The following AHNAK variants were observed in gnomAD, a reference collection of about 807,000 sequenced individuals.
AHNAK encodes AHNAK nucleoprotein, also known as neuroblast differentiation-associated protein AHNAK.
Under a neutral mutation model 37.8 loss-of-function variants are expected in AHNAK, and 23 were observed. The observed-to-expected ratio is 0.61, with a 90% CI of 0.44 to 0.86. AHNAK has a LOEUF of 0.86. Among genes scored for constraint, AHNAK ranks in the 40% least tolerant of loss-of-function variants. The pLI, the probability that AHNAK is intolerant of heterozygous loss-of-function variation, is 0.00. For synonymous variants in AHNAK, 2,481 were observed against 2,636.3 expected (o/e 0.94, Z 1.80); for missense variants, 7,411 against 7,319.4 (o/e 1.01, Z -0.46).
rs1590671755 is a variant in AHNAK, at chr11:62,528,967, A to T, written c.5450T>A (p.Val1817Asp). The T allele has an allele frequency of 1.2e-6, 2 of 1,614,162 alleles. No homozygotes were observed. Among genetic ancestry groups the T allele is most frequent in the Non-Finnish European group, 8.5e-7 (1 of 1,180,028 alleles). Reference sequence around the variant, plus strand: ...CTCCGCTTCCACAAAAGGACCTTTGACATCAACTTGCGGCCCTCTGAGATC... The same window carrying T: ...CTCCGCTTCCACAAAAGGACCTTTGTCATCAACTTGCGGCCCTCTGAGATC... ...EGDLRGPQVD[V>D]KGPFVEAEVP... Residue 1817 changes from valine to aspartate, a missense_variant, in exon 5 of 5, where the codon GTC (valine) becomes GAC (aspartate). Coordinates refer to ENST00000378024, the MANE Select transcript of AHNAK (RefSeq NM_001620.3).
intron 4 of AHNAK, among the ~76,000 whole-genome samples, chr11:62,497,921 G>A (rs1402119407): frequency 1.3e-5 from 2 of 151,624 alleles, no homozygotes; most frequent in African/African-American, 4.9e-5. Context: ...CCGAGACTGA[G>A]CCACTGCACT....
At chr11:62,456,413 T>C (rs1938659418) in intron 5 of AHNAK, among the ~76,000 whole-genome samples, 1 of 152,216 alleles carries the variant, frequency 6.6e-6, no homozygotes, top group Non-Finnish European at 1.5e-5. Context: ...CTTATTTCAT[T>C]CAATCTACTG....
Position 62,519,709 on chromosome 11 carries a change from G to C in AHNAK, c.14708C>G (p.Ser4903Cys), listed in dbSNP as rs1940159662. ...EGPDAKLSGP[S>C]LKMPSLEISA... ...TATCTCCAGCGATGGCATCTTCAAA[G>C]ATGGGCCACTGAGTTTGGCATCAGG... Residue 4903 changes from serine to cysteine, a missense_variant, in exon 5 of 5, where the codon TCT becomes TGT. Coordinates refer to ENST00000378024, the MANE Select transcript of AHNAK (RefSeq NM_001620.3). The C allele has an allele frequency of 6.2e-7, 1 of 1,613,968 alleles. No individual in the cohort carries two copies. The highest frequency in any genetic ancestry group is 8.5e-7 in the Non-Finnish European group (1 of 1,180,014).
In AHNAK at chr11:62,531,090, A is replaced by G. The variant is rs1940727377; in HGVS notation, c.3327T>C (p.Asp1109=). 1 of 1,613,836 alleles carries G rather than the reference A, an allele frequency of 6.2e-7. No homozygotes were observed. Among genetic ancestry groups the G allele is most frequent in the Non-Finnish European group, 8.5e-7 (1 of 1,179,968 alleles). ...PDVDIRGPKV[D]IKAPDVEGQG... ...GGCCTTCCACATCTGGTGCTTTAAT[A>G]TCTACCTTGGGACCTCTGATGTCCA... is the stretch of plus-strand genomic sequence containing the variant. The change falls in exon 5 of 5, where the codon GAT becomes GAC. Residue 1109 remains aspartate, a synonymous_variant. Coordinates refer to ENST00000378024, the MANE Select transcript of AHNAK (RefSeq NM_001620.3).
Position 62,521,271 on chromosome 11 carries a change from G to A in AHNAK, c.13146C>T (p.Ala4382=). Residue 4382 remains alanine (A), a synonymous_variant, in exon 5 of 5, where the codon GCC becomes GCT. Transcript: ENST00000378024. ...KFKMPEMNIK[A]PKISMPDIDF... is the part of the protein sequence containing the mutation. ...CAATGTCAGGCATGGAGATTTTGGG[G>A]GCCTTGATGTTCATCTCTGGCATCT... 3 of 1,613,686 alleles carry A rather than the reference G, an allele frequency of 1.9e-6. No homozygotes were observed. The highest frequency in any genetic ancestry group is 1.7e-6 in the Non-Finnish European group (2 of 1,179,952).
At chr11:62,446,693 AG>A (rs1938428588) in intron 5 of AHNAK, among the ~76,000 whole-genome samples, 1 of 151,954 alleles carries the variant, frequency 6.6e-6, no homozygotes, top group Non-Finnish European at 1.5e-5. Context: ...CTGTCTCAAA[AG>A]GCACCAGAAT....
Position 62,523,484 on chromosome 11 carries a change from C to A in AHNAK, c.10933G>T (p.Val3645Leu). The change falls in exon 5 of 5, where the codon GTG becomes TTG. Residue 3645 changes from valine to leucine, a missense_variant. Physicochemically the swap from Val to Leu is conservative, Grantham distance 32. Coordinates refer to ENST00000378024, the MANE Select transcript of AHNAK (RefSeq NM_001620.3). The part of the protein sequence containing the change: ...GPNVDVDVPD[V>L]NIEGPDAKLK... ...TTTGCATCTGGACCTTCAATATTCA[C>A]GTCTGGAACATCAACGTCTACATTG... 6.8e-6 allele frequency: 11 copies of A among 1,613,358 alleles called. No homozygotes were observed. Among genetic ancestry groups the A allele is most frequent in the Non-Finnish European group, 8.5e-6 (10 of 1,179,860 alleles).
chr11:62,526,639 A>G lies in AHNAK; in HGVS notation c.7778T>C (p.Val2593Ala), dbSNP rs1940500070. Residue 2593 changes from valine (V) to alanine (A), a missense_variant, in exon 5 of 5, where the codon GTG (valine) becomes GCG (alanine). Physicochemically the swap from Val to Ala is moderately conservative, Grantham distance 64. Coordinates refer to ENST00000378024, the MANE Select transcript of AHNAK (RefSeq NM_001620.3). ...DFDLHLKGPK[V>A]KGDVDVSLPK... ...CAGAGAAACATCCACATCGCCCTTC[A>G]CCTTGGGACCTTTCAGATGCAAATC... is the stretch of plus-strand genomic sequence containing the variant. 6.2e-7 allele frequency: 1 copy of G among 1,612,436 alleles called. No homozygotes were observed. The highest frequency in any genetic ancestry group is 1.7e-5 in the Admixed American group (1 of 59,784).
In AHNAK at chr11:62,455,229, G is replaced by A. The variant is rs531053848; in HGVS notation, c.443-21338C>T. Among the ~76,000 whole-genome samples, 8 of 150,054 alleles carry A rather than the reference G, an allele frequency of 5.3e-5. 1 individual carries two copies. The highest frequency in any genetic ancestry group is 4.5e-4 in the South Asian group (2 of 4,492). ...ATTACAGGCATGAGCCACCGCACCC[G>A]GCCACATTTCTTAAGGAAATGCACC... On this transcript the variant is annotated intron_variant, in intron 5 of 5. Transcript: ENST00000257247.
At chr11:62,444,685 T>A (rs534246748) in intron 5 of AHNAK, among the ~76,000 whole-genome samples, 1 of 152,316 alleles carries the variant, frequency 6.6e-6, no homozygotes, top group South Asian at 2.1e-4. Flanking sequence ...CCCTTTCCCA[T>A]GGGGCACAGC....
chr11:62,463,457 TCCTCCAG>T (rs11280639), intron 5 of AHNAK, among the ~76,000 whole-genome samples: 118 of 150,672 alleles, frequency 7.8e-4, no homozygotes, highest in African/African-American at 1.7e-3. Context: ...CTCTCCTCCA[TCCTCCAG>T]CCTCCAGCCT....
At chr11:62,458,712 C>T (rs1393122615) in intron 5 of AHNAK, among the ~76,000 whole-genome samples, 1 of 152,066 alleles carries the variant, frequency 6.6e-6, no homozygotes, top group African/African-American at 2.4e-5. Context: ...TCTGTTTCCT[C>T]CACTGCTCCC....
At chr11:62,505,983 G>A (rs1939804119) in intron 4 of AHNAK, among the ~76,000 whole-genome samples, 1 of 140,570 alleles carries the variant, frequency 7.1e-6, no homozygotes, top group South Asian at 2.3e-4. Context: ...AGCCCAGCCT[G>A]GGCAAAATAG....
chr11:62,536,963 T>A (rs371758238), intron 1 of AHNAK, among the ~76,000 whole-genome samples: 28 of 151,612 alleles, frequency 1.8e-4, no homozygotes, highest in East Asian at 5.8e-4. Context: ...TTATTTATTT[T>A]TTTTTTTTTG....
chr11:62,448,843 G>A (rs1938474261), intron 5 of AHNAK, among the ~76,000 whole-genome samples: 1 of 152,184 alleles, frequency 6.6e-6, no homozygotes, highest in Non-Finnish European at 1.5e-5. Flanking sequence ...GCCGAGGTGG[G>A]CGGATCACAA....
In AHNAK at chr11:62,517,456, C is replaced by T; in HGVS notation, c.16961G>A (p.Gly5654Glu). 1 of 1,614,166 alleles carries T rather than the reference C, an allele frequency of 6.2e-7. No homozygotes were observed. The highest frequency in any genetic ancestry group is 8.5e-7 in the Non-Finnish European group (1 of 1,180,042). Residue 5654 changes from glycine to glutamate, a missense_variant, in exon 5 of 5, where the codon GGA becomes GAA. Coordinates refer to ENST00000378024, the MANE Select transcript of AHNAK (RefSeq NM_001620.3). The stretch of plus-strand genomic sequence containing the variant: ...CTTCATTTTAGGGAATGTTACTTTT[C>T]CAGATCCACTTTCCAAGTGACCTTG... Reference protein sequence around the residue: ...GPQGHLESGSGKVTFPKMKIP... With the variant: ...GPQGHLESGSEKVTFPKMKIP...
rs1472025994 is a variant in AHNAK at position 62,486,038 on chromosome 11, A to AAGAG, written c.442+5690_442+5693dup. Reference sequence around the variant, plus strand: ...TTTGTCTCAAAAAAAAAAAAAAAAAAAGAGAGAGAGAGAAATGAAATGAAA... The same window carrying AAGAG: ...TTTGTCTCAAAAAAAAAAAAAAAAAAAGAGAGAGAGAGAGAGAAATGAAATGAAA... On this transcript the variant is annotated intron_variant, in intron 5 of 5. Transcript: ENST00000257247. Among the ~76,000 whole-genome samples, 67 of 150,600 alleles carry AAGAG rather than the reference A, an allele frequency of 4.4e-4. 1 individual carries two copies. Among genetic ancestry groups the AAGAG allele is most frequent in the South Asian group, 1.0e-3 (5 of 4,762 alleles).
chr11:62,514,696 A>G (rs1459217041), downstream of AHNAK, among the ~76,000 whole-genome samples: 3 of 152,196 alleles, frequency 2.0e-5, no homozygotes, highest in Admixed American at 2.0e-4. Context: ...AGCCTCAAGC[A>G]GGTTAAGCAT....
At chr11:62,535,221 G>A (rs1228886919) in intron 3 of AHNAK, 31 bp from the exon 4 acceptor site, 1 of 1,588,260 alleles carries the variant, frequency 6.3e-7, no homozygotes, top group Non-Finnish European at 8.6e-7. Flanking sequence ...AGCAGGTAAG[G>A]CCCAAAGAGC....
Sources: allele counts gnomAD v4.1 joint callset (sites outside exome capture counted in the v4.1 genomes callset), GRCh38; gene constraint gnomAD v4.1.1; transcripts MANE v1.5; gene names NCBI Gene and HGNC (gene_info 2026-07-23, HGNC 2026-07-21).